The following SLIT1 variants were observed in gnomAD, a reference collection of about 807,000 sequenced individuals.
SLIT1 encodes the protein slit homolog 1 protein.
A neutral mutation model predicts 186.1 loss-of-function variants in SLIT1; 66 were observed. The observed-to-expected ratio is 0.35, with a 90% CI of 0.29 to 0.44. The LOEUF (loss-of-function observed/expected upper bound fraction) is 0.44. Among genes scored for constraint, SLIT1 ranks in the 20% least tolerant of loss-of-function variants. The pLI is 1.00. For synonymous variants in SLIT1, 761 were observed against 833.8 expected (o/e 0.91, Z 1.50); for missense variants, 1,638 against 2,037.4 (o/e 0.80, Z 3.77).
intron 9 of SLIT1, 106 bp downstream of exon 9, chr10:97,060,534 G>T: frequency 1.4e-6 from 2 of 1,402,656 alleles, no homozygotes; most frequent in Non-Finnish European, 2.0e-6. Flanking sequence ...CCACTGAGGG[G>T]TTGGGGCAAG....
Position 97,018,817 on chromosome 10 carries a change from CTTCATTCATTCA to C in SLIT1, c.2872-146_2872-135del, listed in dbSNP as rs3837348. On this transcript the variant is annotated intron_variant, in intron 27 of 36. Transcript: ENST00000266058. ...TTGTTTTCATTCATTCATTCGTCCACTTCATTCATTCATTCATTCATTCATTCATTCATTCAT... is the reference window on the plus strand; with the variant it reads ...TTGTTTTCATTCATTCATTCGTCCACTTCATTCATTCATTCATTCATTCAT... 965 of 646,476 alleles carry C rather than the reference CTTCATTCATTCA, an allele frequency of 1.5e-3. 5 individuals are homozygous for C. Among genetic ancestry groups the C allele is most frequent in the African/African-American group, 0.014 (784 of 54,246 alleles). The allele number at this position is 646,476 out of a possible 1,614,324, so 40.0% of individuals were successfully genotyped here. A position where few individuals can be genotyped will look rare whatever the true frequency, so the allele number is the denominator to read the frequency against.
intron 13 of SLIT1, among the ~76,000 whole-genome samples, chr10:97,053,053 T>C (rs1311901295): frequency 3.3e-5 from 5 of 152,242 alleles, no homozygotes; most frequent in African/African-American, 4.8e-5. Flanking sequence ...TTTTACCGGA[T>C]GTTCTGCAAC....
rs907845791 is a variant in SLIT1, at chr10:97,005,000, C to T, written c.3580-177G>A. On this transcript the variant is annotated intron_variant, in intron 32 of 36. Coordinates refer to ENST00000266058, the MANE Select transcript of SLIT1 (RefSeq NM_003061.3). The surrounding 1 kb of genome is among the most constrained non-coding windows in gnomAD (Gnocchi z 5.1). ...CTCCAGGGGGCACCAATAGGGGCTGCAGCCTCTGGTTCAAGCCCCATCCAC... is the reference window on the plus strand; with the variant it reads ...CTCCAGGGGGCACCAATAGGGGCTGTAGCCTCTGGTTCAAGCCCCATCCAC... Among the ~76,000 whole-genome samples, 1 of 152,234 alleles carries T rather than the reference C, an allele frequency of 6.6e-6. No individual in the cohort carries two copies. The highest frequency in any genetic ancestry group is 1.5e-5 in the Non-Finnish European group (1 of 68,042).
At chr10:97,049,547 C>T (rs551585610) in intron 13 of SLIT1, among the ~76,000 whole-genome samples, 1 of 152,236 alleles carries the variant, frequency 6.6e-6, no homozygotes, top group Non-Finnish European at 1.5e-5. Context: ...GGACTGCAGG[C>T]GCCCAGGCCA....
intron 4 of SLIT1, among the ~76,000 whole-genome samples, chr10:97,149,234 C>T (rs1589411724): frequency 6.6e-6 from 1 of 152,352 alleles, no homozygotes; most frequent in African/African-American, 2.4e-5. Flanking sequence ...CAATCTGAGG[C>T]CGGCCGCCCT....
chr10:97,087,720 C>A (rs565616209), intron 4 of SLIT1, among the ~76,000 whole-genome samples: 1 of 152,198 alleles, frequency 6.6e-6, no homozygotes, highest in South Asian at 2.1e-4. Context: ...AGATCTGATT[C>A]CAGCCTGGGG....
intron 1 of SLIT1, among the ~76,000 whole-genome samples, chr10:97,183,871 G>A (rs1022466945): frequency 1.3e-5 from 2 of 152,004 alleles, no homozygotes; most frequent in African/African-American, 4.8e-5. Flanking sequence ...AGGCCACTGC[G>A]GGGGTCCTCT....
chr10:97,056,794 T>C (rs1023331449), intron 12 of SLIT1, among the ~76,000 whole-genome samples: 2 of 152,226 alleles, frequency 1.3e-5, no homozygotes, highest in African/African-American at 4.8e-5. Flanking sequence ...CAGAGGTCCA[T>C]TGGGTTCCCC....
At chr10:97,075,798 A>C (rs1849040199) in intron 4 of SLIT1, among the ~76,000 whole-genome samples, 1 of 152,182 alleles carries the variant, frequency 6.6e-6, no homozygotes, top group Non-Finnish European at 1.5e-5. Flanking sequence ...GTGCACACTG[A>C]AGTCTGAGAA....
At position 97,022,996 on chromosome 10, in the gene SLIT1, G is replaced by A. The variant is rs911684590; in HGVS notation, c.2583-1583C>T. On this transcript the variant is annotated intron_variant, in intron 25 of 36. Transcript: ENST00000266058. The surrounding 1 kb of genome is among the most constrained non-coding windows in gnomAD (Gnocchi z 4.2). Reference sequence around the variant, plus strand: ...GATATCCCATGGCACAGTGGACAGCGTCCCTGTTGCTGGACATTCTGGTTC... The same window carrying A: ...GATATCCCATGGCACAGTGGACAGCATCCCTGTTGCTGGACATTCTGGTTC... Among the ~76,000 whole-genome samples, 7 of 152,012 alleles carry A rather than the reference G, an allele frequency of 4.6e-5. No homozygotes were observed. Among genetic ancestry groups the A allele is most frequent in the Admixed American group, 2.6e-4 (4 of 15,268 alleles).
intron 4 of SLIT1, among the ~76,000 whole-genome samples, chr10:97,085,912 G>A (rs1849154730): frequency 6.6e-6 from 1 of 152,156 alleles, no homozygotes; most frequent in Admixed American, 6.5e-5. Flanking sequence ...TAACAAACAG[G>A]TCCTTCACCA....
chr10:97,132,092 A>C (rs1301653948), intron 4 of SLIT1, among the ~76,000 whole-genome samples: 2 of 152,208 alleles, frequency 1.3e-5, no homozygotes, highest in East Asian at 3.9e-4. Context: ...CTGTGGCTGC[A>C]TGCCCCAGGC....
At chr10:97,119,707 G>A (rs1030920179) in intron 4 of SLIT1, among the ~76,000 whole-genome samples, 1 of 151,240 alleles carries the variant, frequency 6.6e-6, no homozygotes, top group East Asian at 2.0e-4. Flanking sequence ...GGAGGGTCCC[G>A]GTGGACGCCC....
chr10:97,148,912 G>A (rs1029027945), intron 4 of SLIT1, among the ~76,000 whole-genome samples: 6 of 152,186 alleles, frequency 3.9e-5, no homozygotes, highest in Non-Finnish European at 5.9e-5. Flanking sequence ...TACGAATTCC[G>A]TTTGTCTCAC....
rs1460516874 is a variant in SLIT1, at chr10:97,184,649, A to G, written c.197+829T>C. Among the ~76,000 whole-genome samples the G allele has an allele frequency of 6.6e-6, 1 of 152,204 alleles. No individual in the cohort carries two copies. The highest frequency in any genetic ancestry group is 1.5e-5 in the Non-Finnish European group (1 of 68,020). ...GAAAAGAAAAGGATCAAGTTTCCTCAAGAATTCACAAGTGAGACAGAACAG... is the reference window on the plus strand; with the variant it reads ...GAAAAGAAAAGGATCAAGTTTCCTCGAGAATTCACAAGTGAGACAGAACAG... On this transcript the variant is annotated intron_variant, in intron 1 of 36. Transcript: ENST00000266058. The surrounding 1 kb of genome is among the most constrained non-coding windows in gnomAD (Gnocchi z 4.4).
At chr10:97,152,935 ACAT>A (rs1207746182) in intron 4 of SLIT1, 2 of 152,254 alleles carry the variant, frequency 1.3e-5, no homozygotes, top group Non-Finnish European at 2.9e-5. Context: ...TCAAGTAGAT[ACAT>A]CATCATTTAC....
At chr10:97,120,522 C>A (rs761644679) in intron 4 of SLIT1, among the ~76,000 whole-genome samples, 6 of 152,202 alleles carry the variant, frequency 3.9e-5, no homozygotes, top group African/African-American at 7.2e-5. Context: ...GGAGCCGAAA[C>A]GCAGTTTCCT....
chr10:97,108,035 GC>G (rs1849430625), intron 4 of SLIT1, among the ~76,000 whole-genome samples: 1 of 152,218 alleles, frequency 6.6e-6, no homozygotes, highest in African/African-American at 2.4e-5. Context: ...GCTCTTCCCT[GC>G]CCCGGGGTGT....
chr10:97,011,167 C>T (rs1301408183), intron 30 of SLIT1, 37 bp from the exon 31 acceptor site: 3 of 1,546,872 alleles, frequency 1.9e-6, no homozygotes, highest in Non-Finnish European at 2.7e-6. Flanking sequence ...GGGGGGTCAG[C>T]CACACAGAGT....
Sources: allele counts gnomAD v4.1 joint callset (sites outside exome capture counted in the v4.1 genomes callset), GRCh38; gene constraint gnomAD v4.1.1; non-coding constraint Gnocchi (gnomAD v3.1); transcripts MANE v1.5; gene names NCBI Gene and HGNC (gene_info 2026-07-23, HGNC 2026-07-21).